The following XKR7 variants were observed in gnomAD, a reference collection of about 807,000 sequenced individuals.
XKR7 encodes the protein XK related 7.
In XKR7, 11 loss-of-function variants were observed where a neutral mutation model predicts 42.2. The observed-to-expected ratio is 0.26, with a 90% CI of 0.16 to 0.43. XKR7 has a LOEUF of 0.43. Among genes scored for constraint, XKR7 ranks in the 20% least tolerant of loss-of-function variants. The pLI, the probability that XKR7 is intolerant of heterozygous loss-of-function variation, is 1.00. For synonymous variants in XKR7, 346 were observed against 366.4 expected (o/e 0.94, Z 0.64); for missense variants, 710 against 802.2 (o/e 0.89, Z 1.39).
chr20:31,992,048 C>T (rs1278704522), intron 1 of XKR7, among the ~76,000 whole-genome samples: 2 of 151,418 alleles, frequency 1.3e-5, no homozygotes, highest in East Asian at 1.9e-4. Flanking sequence ...ACTCTGGAAG[C>T]GGAGGTTGTG....
intron 1 of XKR7, among the ~76,000 whole-genome samples, chr20:31,975,407 G>A (rs1054062395): frequency 5.8e-4 from 88 of 152,008 alleles, no homozygotes; most frequent in African/African-American, 2.1e-3. Context: ...ATTGCCTGCA[G>A]TCCTTCCTCC....
At chr20:31,981,275 C>T (rs1405244308) in intron 1 of XKR7, among the ~76,000 whole-genome samples, 1 of 152,000 alleles carries the variant, frequency 6.6e-6, no homozygotes, top group East Asian at 1.9e-4. Flanking sequence ...TGGGATGCCC[C>T]TGAGGCAGAA....
Position 31,999,177 on chromosome 20 carries a change from C to T in XKR7, c.*1720C>T, listed in dbSNP as rs2064612309. ...CTAGACTATGCAAATTAGAGGGATG[C>T]TTAGCCCTCCCTGGTTCAGCCTCTC... On this transcript the variant is annotated 3_prime_UTR_variant, in exon 3 of 3. Coordinates refer to ENST00000562532, the MANE Select transcript of XKR7 (RefSeq NM_001011718.2). 6.6e-6 allele frequency: 1 copy of T among 152,084 alleles called. No homozygotes were observed. The highest frequency in any genetic ancestry group is 1.5e-5 in the Non-Finnish European group (1 of 68,002). 9.4% of individuals were successfully genotyped at this position (152,084 alleles called of 1,614,324 possible).
chr20:31,996,474 A>ACCCCCC, intron 2 of XKR7, 31 bp from the exon 3 acceptor site: 5 of 19,942 alleles, frequency 2.5e-4, no homozygotes, highest in Non-Finnish European at 4.4e-4. Context: ...CCCCTAACCC[A>ACCCCCC]GCCCACCCCG....
intron 1 of XKR7, among the ~76,000 whole-genome samples, chr20:31,989,278 C>CA (rs576686568): frequency 1.7e-5 from 2 of 117,942 alleles, no homozygotes; most frequent in Admixed American, 7.9e-5. Flanking sequence ...TTAGGACACC[C>CA]CCCCCCCAGC....
intron 1 of XKR7, among the ~76,000 whole-genome samples, chr20:31,972,149 C>T (rs1423489931): frequency 6.6e-6 from 1 of 152,184 alleles, no homozygotes; most frequent in Non-Finnish European, 1.5e-5. Context: ...AGAAAGCATA[C>T]ACAGACACTG....
Position 31,995,157 on chromosome 20 carries a change from G to T in XKR7, c.674G>T (p.Ser225Ile). The change falls in exon 2 of 3, where the codon AGC (serine) becomes ATC (isoleucine). Residue 225 changes from serine (S) to isoleucine (I), a missense_variant. By Grantham distance (142) the Ser-to-Ile change is moderately radical (BLOSUM62 -2). Around this residue, in one of 2 missense-constraint regions of XKR7, gnomAD observed 708 missense variants for 786.2 expected, o/e 0.90. Transcript: ENST00000562532. This position sits in a 1 kb window ranked among gnomAD's most constrained non-coding sequence, Gnocchi z 4.1. Reference protein sequence around the residue: ...RHFYWQMLFESADVSMLRLLE... With the variant: ...RHFYWQMLFEIADVSMLRLLE... ...TTCTACTGGCAGATGCTGTTCGAGA[G>T]CGCCGACGTGAGCATGCTGCGCTTG... The T allele has an allele frequency of 6.4e-7, 1 of 1,554,650 alleles. No homozygotes were observed. The highest frequency in any genetic ancestry group is 8.7e-7 in the Non-Finnish European group (1 of 1,149,412).
At chr20:31,989,346 G>A (rs1344542728) in intron 1 of XKR7, among the ~76,000 whole-genome samples, 6 of 151,918 alleles carry the variant, frequency 3.9e-5, no homozygotes, top group Non-Finnish European at 8.8e-5. Context: ...GAGAGAAACA[G>A]GCAGGGCCAG....
chr20:31,977,860 A>G (rs748454984), intron 1 of XKR7, among the ~76,000 whole-genome samples: 4 of 152,174 alleles, frequency 2.6e-5, no homozygotes, highest in Non-Finnish European at 5.9e-5. Flanking sequence ...AGGTGTCCAG[A>G]TGGAAGTGGC....
At position 31,995,986 on chromosome 20, in the gene XKR7, C is replaced by A. The variant is rs2064589443; in HGVS notation, c.788-519C>A. 6.6e-6 allele frequency among the ~76,000 whole-genome samples: 1 copy of A among 152,018 alleles called. No individual in the cohort carries two copies. The highest frequency in any genetic ancestry group is 1.5e-5 in the Non-Finnish European group (1 of 68,002). On this transcript the variant is annotated intron_variant, in intron 2 of 2. Coordinates refer to ENST00000562532, the MANE Select transcript of XKR7 (RefSeq NM_001011718.2). This position sits in a 1 kb window ranked among gnomAD's most constrained non-coding sequence, Gnocchi z 4.1. ...GGACCCCTTGCCCAGTTACGGGGTC[C>A]CAATCACAACGCTTCCCACCTTGGG...
intron 1 of XKR7, among the ~76,000 whole-genome samples, chr20:31,969,997 T>C (rs2064457062): frequency 6.6e-6 from 1 of 152,228 alleles, no homozygotes; most frequent in Non-Finnish European, 1.5e-5. Flanking sequence ...TGTGTCACTC[T>C]TGTTGTGTTG....
rs1438580783 is a variant in XKR7, at chr20:31,998,195, T to G, written c.*738T>G. 1 of 152,032 alleles carries G rather than the reference T, an allele frequency of 6.6e-6. No homozygotes were observed. Among genetic ancestry groups the G allele is most frequent in the Non-Finnish European group, 1.5e-5 (1 of 68,020 alleles). The allele number at this position is 152,032 out of a possible 1,614,324, so 9.4% of individuals were successfully genotyped here. A position where few individuals can be genotyped will look rare whatever the true frequency, so the allele number is the denominator to read the frequency against. The stretch of plus-strand genomic sequence containing the variant: ...GAACTCCTTAGGAGACGTCTCTTGT[T>G]GTGTTGTGGGCTCTGTGAAGGATGA... On this transcript the variant is annotated 3_prime_UTR_variant, in exon 3 of 3. Transcript: ENST00000562532.
intron 1 of XKR7, among the ~76,000 whole-genome samples, chr20:31,971,359 A>G (rs2064464902): frequency 6.6e-6 from 1 of 152,204 alleles, no homozygotes; most frequent in Non-Finnish European, 1.5e-5. Flanking sequence ...TGATGACCTT[A>G]AGAGTTTCCC....
chr20:31,997,575 T>C lies in XKR7; in HGVS notation c.*118T>C. The C allele has an allele frequency of 1.0e-6, 1 of 994,342 alleles. No homozygotes were observed. Among genetic ancestry groups the C allele is most frequent in the Non-Finnish European group, 1.4e-6 (1 of 694,698 alleles). The allele number at this position is 994,342 out of a possible 1,614,324, so 61.6% of individuals were successfully genotyped here. A position where few individuals can be genotyped will look rare whatever the true frequency, so the allele number is the denominator to read the frequency against. On this transcript the variant is annotated 3_prime_UTR_variant, in exon 3 of 3. Transcript: ENST00000562532. ...GGGAGTGGATCTGTTGGTCCAAGGG[T>C]AGAGTGGCCCCACTCTTGGGTTCTT...
In XKR7 at chr20:31,992,418, AGCT is replaced by A. The variant is rs2064574128; in HGVS notation, c.585-2646_585-2644del. ...CAGAAGAAATACAATCCAGACCTGG[AGCT>A]GCTCAGAAGCTGAGGTCCCTGTCCT... On this transcript the variant is annotated intron_variant, in intron 1 of 2. Coordinates refer to ENST00000562532, the MANE Select transcript of XKR7 (RefSeq NM_001011718.2). Among the ~76,000 whole-genome samples the A allele has an allele frequency of 2.6e-5, 4 of 152,284 alleles. No individual in the cohort carries two copies. The South Asian group carries it at 8.3e-4, about 32-fold the overall frequency.
chr20:31,991,453 T>A (rs1340748896), intron 1 of XKR7, among the ~76,000 whole-genome samples: 1 of 151,862 alleles, frequency 6.6e-6, no homozygotes, highest in Non-Finnish European at 1.5e-5. Context: ...CCTTCCTGTA[T>A]CCCATGCCTT....
chr20:31,986,709 G>A (rs1374261059), intron 1 of XKR7, among the ~76,000 whole-genome samples: 1 of 139,058 alleles, frequency 7.2e-6, no homozygotes, highest in East Asian at 2.2e-4. Flanking sequence ...CAGTATCCAA[G>A]GCACAGACAG....
rs1256935843 is a variant in XKR7 at position 32,000,102 on chromosome 20, G to A, written c.*2645G>A. 2.0e-5 allele frequency: 3 copies of A among 152,310 alleles called. No homozygotes were observed. Among genetic ancestry groups the A allele is most frequent in the African/African-American group, 4.8e-5 (2 of 41,442 alleles). The allele number at this position is 152,310 out of a possible 1,614,324, so 9.4% of individuals were successfully genotyped here. A position where few individuals can be genotyped will look rare whatever the true frequency, so the allele number is the denominator to read the frequency against. The stretch of plus-strand genomic sequence containing the variant: ...TGGCCACAGTCAAAGGGCCCAGGGA[G>A]AGGGCTGCAGGCACCTCCTCCTGCT... On this transcript the variant is annotated 3_prime_UTR_variant, in exon 3 of 3. Transcript: ENST00000562532.
At chr20:31,977,407 T>A (rs557166309) in intron 1 of XKR7, among the ~76,000 whole-genome samples, 131 of 152,224 alleles carry the variant, frequency 8.6e-4, no homozygotes, top group African/African-American at 2.9e-3. Context: ...CCAGCGCAGA[T>A]CAAGGAGCCA....
Sources: allele counts gnomAD v4.1 joint callset (sites outside exome capture counted in the v4.1 genomes callset), GRCh38; gene constraint gnomAD v4.1.1; regional missense constraint gnomAD v4.1.1; non-coding constraint Gnocchi (gnomAD v3.1); transcripts MANE v1.5; gene names NCBI Gene and HGNC (gene_info 2026-07-23, HGNC 2026-07-21).